Variants in GART observed in about 807,000 individuals in gnomAD.
GART encodes phosphoribosylglycinamide formyltransferase, phosphoribosylglycinamide synthetase, phosphoribosylaminoimidazole synthetase, also known as trifunctional purine biosynthetic protein adenosine-3.
GART carries 43 observed loss-of-function variants against 107.2 expected under a neutral mutation model. That is an observed-to-expected ratio of 0.40 (90% CI 0.31 to 0.52). The LOEUF (loss-of-function observed/expected upper bound fraction) is 0.52, where lower values mean the gene tolerates loss of function less well. Ranked by LOEUF, GART falls within the 20% of genes least tolerant of loss-of-function variation. GART has a pLI of 0.52. For missense variants in GART, 1,107 were observed against 1,206.5 expected (o/e 0.92, Z 1.22); for synonymous variants, 434 against 427.0 (o/e 1.02, Z -0.20).
rs531396769 is a variant in GART at position 33,525,068 on chromosome 21, C to T, written c.1067-68G>A. On this transcript the variant is annotated intron_variant, in intron 10 of 21. Coordinates refer to ENST00000381815, the MANE Select transcript of GART (RefSeq NM_000819.5). ...GTATTTCACACCGTGAAGTGATTTA[C>T]GATTTCCACAAGTTTCTTTTTTTTT... The T allele has an allele frequency of 2.1e-5, 32 of 1,505,894 alleles. 1 individual carries two copies. In the South Asian group the frequency reaches 2.9e-4, roughly 13 times the overall value. 93.3% of individuals were successfully genotyped at this position (1,505,894 alleles called of 1,614,324 possible).
chr21:33,534,513 C>T (rs1455804127), intron 4 of GART, 66 bp downstream of exon 4: 9 of 1,557,248 alleles, frequency 5.8e-6, no homozygotes, highest in Non-Finnish European at 6.2e-6. Context: ...CTGTGCCTGG[C>T]CACTGACCTG....
rs372112153 is a variant in GART, at chr21:33,517,492, C to A, written c.1819G>T (p.Glu607Ter). The A allele has an allele frequency of 6.2e-7, 1 of 1,614,230 alleles. No individual in the cohort carries two copies. The highest frequency in any genetic ancestry group is 8.5e-7 in the Non-Finnish European group (1 of 1,180,042). ...GCTATTCCAACAACAACATCACCCT[C>A]AGTGATTCTTTCCAGGTGAGGGAGT... ...QKLPHLERIT[E>*]GDVVVGIASS... The change falls in exon 15 of 22, where the codon GAG (glutamate) becomes TAG (stop). Residue 607 changes from glutamate to a stop codon, truncating the protein, a stop_gained. Transcript: ENST00000381815. LOFTEE classifies it high-confidence loss of function.
intron 7 of GART, among the ~76,000 whole-genome samples, chr21:33,530,181 A>C (rs556911182): frequency 6.6e-6 from 1 of 152,272 alleles, no homozygotes; most frequent in South Asian, 2.1e-4. Context: ...ACAGAGCGAG[A>C]CTCCGTCTCA....
At chr21:33,505,913 T>C in intron 19 of GART, 61 bp downstream of exon 19, 1 of 1,597,820 alleles carries the variant, frequency 6.3e-7, no homozygotes, top group Non-Finnish European at 8.5e-7. Flanking sequence ...CAGGGTCCTG[T>C]GAGGGCAGAT....
upstream of GART, chr21:33,542,414 G>A (rs1162897549): frequency 6.6e-6 from 1 of 152,666 alleles, no homozygotes; most frequent in Non-Finnish European, 1.5e-5. Flanking sequence ...TCAGAGCTGA[G>A]CAGCTACCGC....
Position 33,535,330 on chromosome 21 carries a change from GAAAAAAAA to G in GART, c.146-18_146-11del. 2.7e-6 allele frequency: 1 copy of G among 365,884 alleles called. No homozygotes were observed. Among genetic ancestry groups the G allele is most frequent in the Non-Finnish European group, 4.4e-6 (1 of 225,464 alleles). The allele number at this position is 365,884 out of a possible 1,614,324, so 22.7% of individuals were successfully genotyped here. A position where few individuals can be genotyped will look rare whatever the true frequency, so the allele number is the denominator to read the frequency against. ...TCACTGATTGAGATGGCTGTAAACA[GAAAAAAAA>G]AAAAAAAAACCACTGCATTTACAAA... On this transcript the variant is annotated splice_polypyrimidine_tract_variant and intron_variant, in intron 2 of 21. Coordinates refer to ENST00000381815, the MANE Select transcript of GART (RefSeq NM_000819.5).
In GART at chr21:33,504,246, T is replaced by C. The variant is rs755290317; in HGVS notation, c.2911A>G (p.Thr971Ala). ...GCTAATTTTACTCTTTCAGAAAGAG[T>C]TGCGACAGTATCACCCCTCTTCACG... ...VPVKRGDTVA[T>A]LSERVKLAEH... is the part of the protein sequence containing the mutation. The change falls in exon 22 of 22, where the codon ACT becomes GCT. Residue 971 changes from threonine (T) to alanine (A), a missense_variant. Transcript: ENST00000381815. 11 of 1,614,010 alleles carry C rather than the reference T, an allele frequency of 6.8e-6. No individual in the cohort carries two copies. In the South Asian group the frequency reaches 7.7e-5, roughly 11 times the overall value.
intron 16 of GART, among the ~76,000 whole-genome samples, chr21:33,515,307 C>T (rs2084853949): frequency 6.6e-6 from 1 of 152,104 alleles, no homozygotes; most frequent in Admixed American, 6.6e-5. Flanking sequence ...TATTAGTTGA[C>T]TATAGCTGGA....
downstream of GART, chr21:33,503,931 T>C: frequency 2.2e-6 from 1 of 455,104 alleles, no homozygotes. Flanking sequence ...GAAAACTGTA[T>C]GTCTCAGATA....
At position 33,528,943 on chromosome 21, in the gene GART, G is replaced by A. The variant is rs369149377; in HGVS notation, c.724-6C>T. On this transcript the variant is annotated splice_polypyrimidine_tract_variant and splice_region_variant and intron_variant, in intron 7 of 21. Coordinates refer to ENST00000381815, the MANE Select transcript of GART (RefSeq NM_000819.5). ...AGTAATAGATCATTAGAAACCTGGA[G>A]AACGTGCAGAAACAGTTAAATGTAA... is the stretch of plus-strand genomic sequence containing the variant. 2.5e-6 allele frequency: 4 copies of A among 1,585,292 alleles called. No individual in the cohort carries two copies. Among genetic ancestry groups the A allele is most frequent in the African/African-American group, 1.3e-5 (1 of 74,312 alleles).
chr21:33,504,070 T>G lies in GART; in HGVS notation c.*54A>C, dbSNP rs561944366. 6.7e-6 allele frequency: 10 copies of G among 1,502,980 alleles called. No individual in the cohort carries two copies. The highest frequency in any genetic ancestry group is 1.8e-4 in the Middle Eastern group (1 of 5,636). 93.1% of individuals were successfully genotyped at this position (1,502,980 alleles called of 1,614,324 possible). ...CCAAGTCCATGATAAAAAACCACCA[T>G]GCAAACAGCAAATAATTCTTTCTAA... On this transcript the variant is annotated 3_prime_UTR_variant, in exon 22 of 22. Transcript: ENST00000381815.
intron 14 of GART, chr21:33,518,769 C>A: frequency 2.1e-6 from 1 of 475,866 alleles, no homozygotes; most frequent in South Asian, 1.6e-5. Context: ...GCTTTTCCAT[C>A]CACAGACTAT....
chr21:33,530,941 A>T (rs2085175307), intron 6 of GART, 57 bp from the exon 7 acceptor site: 10 of 1,434,490 alleles, frequency 7.0e-6, no homozygotes, highest in Admixed American at 3.0e-5. Flanking sequence ...AAAAAAAAAA[A>T]TTTAGTGAGG....
chr21:33,513,083 TTGTGTG>T (rs760260690), intron 16 of GART, among the ~76,000 whole-genome samples: 2,122 of 142,326 alleles, frequency 0.015, 23 homozygotes, highest in Non-Finnish European at 0.023. Context: ...ACTTGGTTAT[TTGTGTG>T]TGTGTGTGTG....
chr21:33,537,918 C>G (rs2085334269), intron 2 of GART, among the ~76,000 whole-genome samples: 1 of 152,054 alleles, frequency 6.6e-6, no homozygotes, highest in Admixed American at 6.5e-5. Flanking sequence ...AGTATATGAA[C>G]TGACCATTTT....
At chr21:33,507,544 G>A (rs1348830950) in intron 18 of GART, among the ~76,000 whole-genome samples, 1 of 152,202 alleles carries the variant, frequency 6.6e-6, no homozygotes, top group East Asian at 1.9e-4. Flanking sequence ...GAAGAGGCTG[G>A]ATGTGGTGGC....
chr21:33,522,233 G>C lies in GART; in HGVS notation c.1348C>G (p.Leu450Val), dbSNP rs1312392946. ...SGVDIAAGNM[L>V]VKKIQPLAKA... ...GCTAAAGGCTGAATTTTCTTGACCA[G>C]CATATTTCCAGCTGCGATATCTACT... Residue 450 changes from leucine (L) to valine (V), a missense_variant, in exon 12 of 22, where the codon CTG (leucine) becomes GTG (valine). Leu to Val is a conservative substitution (Grantham distance 32, BLOSUM62 1). Coordinates refer to ENST00000381815, the MANE Select transcript of GART (RefSeq NM_000819.5). 6.2e-7 allele frequency: 1 copy of C among 1,613,954 alleles called. No individual in the cohort carries two copies. The highest frequency in any genetic ancestry group is 8.5e-7 in the Non-Finnish European group (1 of 1,179,932).
At chr21:33,519,320 G>A (rs1213436927) in intron 14 of GART, among the ~76,000 whole-genome samples, 1 of 152,078 alleles carries the variant, frequency 6.6e-6, no homozygotes, top group African/African-American at 2.4e-5. Flanking sequence ...TTGGGAGGCC[G>A]AGGCAGGCAG....
In GART at chr21:33,509,788, C is replaced by G; in HGVS notation, c.2447G>C (p.Gly816Ala). 9 of 1,613,596 alleles carry G rather than the reference C, an allele frequency of 5.6e-6. No individual in the cohort carries two copies. Among genetic ancestry groups the G allele is most frequent in the Non-Finnish European group, 7.6e-6 (9 of 1,179,860 alleles). Residue 816 changes from glycine (G) to alanine (A), a missense_variant, in exon 18 of 22, where the codon GGA becomes GCA. Physicochemically the swap from Gly to Ala is moderately conservative, Grantham distance 60 (BLOSUM62 0). Transcript: ENST00000381815. Reference protein sequence around the residue: ...KKARVAVLISGTGSNLQALID... With the variant: ...KKARVAVLISATGSNLQALID... ...AAGGGGAAGCCACATCTCACCTGTT[C>G]CAGATATTAAGACAGCCACTCTGGC...
Sources: gnomAD v4.1 joint callset for allele counts (sites outside exome capture counted in the v4.1 genomes callset) on GRCh38, gnomAD v4.1.1 for gene constraint, MANE v1.5 for transcripts, NCBI Gene and HGNC (gene_info 2026-07-23, HGNC 2026-07-21) for gene names.